Variants in DIO1 observed in about 807,000 individuals in gnomAD.
DIO1 encodes the protein type I iodothyronine deiodinase.
DIO1 carries 17 observed loss-of-function variants against 25.9 expected under a neutral mutation model. The observed-to-expected ratio is 0.66, with a 90% CI of 0.45 to 0.98. DIO1 has a LOEUF of 0.98. DIO1 is among the 50% of genes least tolerant of loss of function. The probability of loss-of-function intolerance (pLI) is 0.00; values close to 1 mark genes in which losing one functional copy is unlikely to be tolerated. For synonymous variants in DIO1, 115 were observed against 114.0 expected, an observed-to-expected ratio of 1.01 and a Z score of -0.05; for missense variants, 270 against 310.4, an observed-to-expected ratio of 0.87 and a Z score of 0.98.
intron 3 of DIO1, among the ~76,000 whole-genome samples, chr1:53,908,962 C>G (rs180740273): frequency 6.6e-6 from 1 of 150,548 alleles, no homozygotes; most frequent in African/African-American, 2.4e-5. Context: ...GGCGTGGTGG[C>G]GTGTGCCTGT....
intron 3 of DIO1, among the ~76,000 whole-genome samples, chr1:53,907,838 G>A (rs1439114450): frequency 2.0e-5 from 3 of 150,484 alleles, no homozygotes; most frequent in African/African-American, 7.4e-5. Flanking sequence ...TTGTACCCGG[G>A]AGGCAGAGGT....
rs975779930 is a variant in DIO1 at position 53,894,592 on chromosome 1, G to A, written c.337+45G>A. 3 of 1,534,334 alleles carry A rather than the reference G, an allele frequency of 2.0e-6. No homozygotes were observed. In the African/African-American group the frequency reaches 4.1e-5, roughly 21 times the overall value. Reference sequence around the variant, plus strand: ...CTTGAGGGGTGCTTGAAATAGCAGTGGTAGAGGGGGATGAAGAGATGGGTT... The same window carrying A: ...CTTGAGGGGTGCTTGAAATAGCAGTAGTAGAGGGGGATGAAGAGATGGGTT... On this transcript the variant is annotated intron_variant, in intron 1 of 3. Coordinates refer to ENST00000361921, the MANE Select transcript of DIO1 (RefSeq NM_000792.7). This position sits in a 1 kb window ranked among gnomAD's most constrained non-coding sequence, Gnocchi z 4.9.
chr1:53,894,282 C>A lies in DIO1; in HGVS notation c.72C>A (p.Val24=). Residue 24 remains valine (V), a synonymous_variant, in exon 1 of 4, where the codon GTC becomes GTA. Transcript: ENST00000361921. The surrounding 1 kb of genome is among the most constrained non-coding windows in gnomAD (Gnocchi z 4.9). ...WVLLEVAVHV[V]VGKVLLILFP... ...TCTTGGAGGTGGCTGTGCATGTGGT[C>A]GTGGGTAAAGTGCTTCTGATATTGT... The A allele has an allele frequency of 6.2e-7, 1 of 1,614,156 alleles. No homozygotes were observed. The highest frequency in any genetic ancestry group is 1.1e-5 in the South Asian group (1 of 91,058).
rs1228478065 is a variant in DIO1, at chr1:53,894,472, C to A, written c.262C>A (p.Leu88Ile). The part of the protein sequence containing the change: ...RWQRLEDTTE[L>I]GGLAPNCPVV... ...GCAGCGACTAGAGGACACGACTGAG[C>A]TAGGGGGTCTGGCCCCAAACTGCCC... Residue 88 changes from leucine (L) to isoleucine (I), a missense_variant, in exon 1 of 4, where the codon CTA becomes ATA. By Grantham distance (5) the Leu-to-Ile change is conservative. Coordinates refer to ENST00000361921, the MANE Select transcript of DIO1 (RefSeq NM_000792.7). This position sits in a 1 kb window ranked among gnomAD's most constrained non-coding sequence, Gnocchi z 4.9. 5 of 1,614,102 alleles carry A rather than the reference C, an allele frequency of 3.1e-6. No homozygotes were observed. Among genetic ancestry groups the A allele is most frequent in the East Asian group, 2.2e-5 (1 of 44,900 alleles).
At chr1:53,902,671 G>A (rs1414441489) in intron 1 of DIO1, among the ~76,000 whole-genome samples, 1 of 151,776 alleles carries the variant, frequency 6.6e-6, no homozygotes, top group Non-Finnish European at 1.5e-5. Context: ...AGAAACCACA[G>A]GAGGCCAGCT....
intron 1 of DIO1, among the ~76,000 whole-genome samples, chr1:53,902,828 T>G (rs1298106589): frequency 6.6e-6 from 1 of 151,426 alleles, no homozygotes; most frequent in East Asian, 1.9e-4. Flanking sequence ...CTGCAGCAGC[T>G]GTCTTGAATT....
chr1:53,905,369 T>C (rs952555438), intron 2 of DIO1, among the ~76,000 whole-genome samples: 7 of 151,932 alleles, frequency 4.6e-5, no homozygotes, highest in Admixed American at 3.3e-4. Flanking sequence ...GAAACAGAGT[T>C]TCACCATGTT....
At position 53,894,619 on chromosome 1, in the gene DIO1, G is replaced by C; in HGVS notation, c.337+72G>C. Reference sequence around the variant, plus strand: ...TAGAGGGGGATGAAGAGATGGGTTGGAAAGTCCTGAATTCTCCTACTACTT... The same window carrying C: ...TAGAGGGGGATGAAGAGATGGGTTGCAAAGTCCTGAATTCTCCTACTACTT... On this transcript the variant is annotated intron_variant, in intron 1 of 3. Coordinates refer to ENST00000361921, the MANE Select transcript of DIO1 (RefSeq NM_000792.7). This position sits in a 1 kb window ranked among gnomAD's most constrained non-coding sequence, Gnocchi z 4.9. 7.2e-7 allele frequency: 1 copy of C among 1,383,132 alleles called. No homozygotes were observed. Among genetic ancestry groups the C allele is most frequent in the Non-Finnish European group, 9.8e-7 (1 of 1,019,532 alleles). The allele number at this position is 1,383,132 out of a possible 1,614,324, so 85.7% of individuals were successfully genotyped here.
intron 1 of DIO1, among the ~76,000 whole-genome samples, chr1:53,896,164 C>T (rs1448987777): frequency 1.3e-5 from 2 of 151,422 alleles, no homozygotes; most frequent in African/African-American, 2.4e-5. Context: ...GAGAAGGCAC[C>T]TGAGGCAGTT....
intron 3 of DIO1, among the ~76,000 whole-genome samples, chr1:53,907,861 A>C (rs934652078): frequency 2.1e-5 from 3 of 144,806 alleles, no homozygotes; most frequent in Admixed American, 7.1e-5. Flanking sequence ...TGGTGAGCAG[A>C]GATCGCACCA....
intron 1 of DIO1, among the ~76,000 whole-genome samples, chr1:53,899,430 T>A (rs1651244938): frequency 6.6e-6 from 1 of 152,192 alleles, no homozygotes; most frequent in Non-Finnish European, 1.5e-5. Context: ...TCTGTGGACA[T>A]GGGCAGGGTG....
chr1:53,898,653 G>A (rs1557620467), intron 1 of DIO1, among the ~76,000 whole-genome samples: 2 of 150,578 alleles, frequency 1.3e-5, no homozygotes, highest in Admixed American at 1.3e-4. Context: ...GCTGAGGCAG[G>A]AGAATTGCTT....
At chr1:53,900,982 CTTTTTTT>C (rs71063891) in intron 1 of DIO1, among the ~76,000 whole-genome samples, 36 of 72,082 alleles carry the variant, frequency 5.0e-4, no homozygotes, top group Admixed American at 1.7e-3. Context: ...GGCCAGCTAA[CTTTTTTT>C]TTTTTTTTTT....
At chr1:53,896,621 A>AT (rs1651092476) in intron 1 of DIO1, among the ~76,000 whole-genome samples, 1 of 152,184 alleles carries the variant, frequency 6.6e-6, no homozygotes, top group Non-Finnish European at 1.5e-5. Flanking sequence ...CCTGAATACT[A>AT]TATCCCCCTC....
At chr1:53,895,728 C>A (rs964403226) in intron 1 of DIO1, among the ~76,000 whole-genome samples, 1 of 152,228 alleles carries the variant, frequency 6.6e-6, no homozygotes, top group African/African-American at 2.4e-5. Context: ...CAGGCTCTAG[C>A]TTTTCTTCTC....
intron 2 of DIO1, 58 bp from the exon 3 acceptor site, chr1:53,906,037 G>C (rs1651636480): frequency 6.5e-7 from 1 of 1,536,740 alleles, no homozygotes; most frequent in African/African-American, 1.4e-5. Context: ...GGGCTATTTA[G>C]TCTGCAGGAA....
At chr1:53,909,509 G>T (rs1210655445) in intron 3 of DIO1, among the ~76,000 whole-genome samples, 1 of 152,172 alleles carries the variant, frequency 6.6e-6, no homozygotes, top group African/African-American at 2.4e-5. Context: ...AGGGGTGGCA[G>T]CTGCCCAGGC....
intron 1 of DIO1, among the ~76,000 whole-genome samples, chr1:53,899,118 C>T (rs185770146): frequency 1.3e-4 from 20 of 152,324 alleles, no homozygotes; most frequent in Admixed American, 2.6e-4. Context: ...CTTGGACACA[C>T]ACAGAACAAA....
At chr1:53,898,466 C>A (rs1235398736) in intron 1 of DIO1, among the ~76,000 whole-genome samples, 1 of 152,036 alleles carries the variant, frequency 6.6e-6, no homozygotes, top group Non-Finnish European at 1.5e-5. Flanking sequence ...AGACATTGGC[C>A]GAGCATGGTG....
Sources: gnomAD v4.1 joint callset for allele counts (sites outside exome capture counted in the v4.1 genomes callset) on GRCh38, gnomAD v4.1.1 for gene constraint, Gnocchi (gnomAD v3.1) non-coding constraint, MANE v1.5 for transcripts, NCBI Gene and HGNC (gene_info 2026-07-23, HGNC 2026-07-21) for gene names.